Variants in NRXN1 observed in about 807,000 individuals in gnomAD.
NRXN1 encodes neurexin-1.
NRXN1 carries 39 observed loss-of-function variants against 150.9 expected under a neutral mutation model. The ratio of observed to expected loss-of-function variants is 0.26; its 90% CI spans 0.20 to 0.34. The LOEUF is 0.34. NRXN1 is among the 10% of genes least tolerant of loss of function. The pLI, the probability that NRXN1 is intolerant of heterozygous loss-of-function variation, is 1.00. For synonymous variants in NRXN1, 924 were observed against 757.0 expected (o/e 1.22, Z -3.62); for missense variants, 1,815 against 1,949.9 (o/e 0.93, Z 1.30).
chr2:50,842,206 T>C (rs1297068020), intron 5 of NRXN1, among the ~76,000 whole-genome samples: 1 of 152,196 alleles, frequency 6.6e-6, no homozygotes, highest in Non-Finnish European at 1.5e-5. Flanking sequence ...CTTGGCCCTA[T>C]TGTAATTACC....
At chr2:50,777,895 G>C (rs1703858092) in intron 5 of NRXN1, among the ~76,000 whole-genome samples, 2 of 152,090 alleles carry the variant, frequency 1.3e-5, no homozygotes, top group Non-Finnish European at 2.9e-5. Context: ...TTGGATAAAA[G>C]CCTGCATGTA....
At chr2:50,833,554 C>G (rs1333848363) in intron 5 of NRXN1, among the ~76,000 whole-genome samples, 1 of 152,104 alleles carries the variant, frequency 6.6e-6, no homozygotes, top group Non-Finnish European at 1.5e-5. Context: ...TCAAACAGTT[C>G]CACATGTTAT....
intron 5 of NRXN1, among the ~76,000 whole-genome samples, chr2:50,826,391 G>A (rs1670450816): frequency 6.6e-6 from 1 of 152,098 alleles, no homozygotes; most frequent in African/African-American, 2.4e-5. Flanking sequence ...GGAAAGTGAG[G>A]TATGATGCAG....
intron 21 of NRXN1, among the ~76,000 whole-genome samples, chr2:50,015,912 T>C (rs1279692659): frequency 6.6e-6 from 1 of 152,120 alleles, no homozygotes; most frequent in East Asian, 1.9e-4. Context: ...GATAAAAATC[T>C]CCAAGGAGAT....
At chr2:50,731,035 T>C (rs758223943) in intron 5 of NRXN1, among the ~76,000 whole-genome samples, 2 of 152,186 alleles carry the variant, frequency 1.3e-5, no homozygotes, top group African/African-American at 2.4e-5. Flanking sequence ...TCCTTGACTG[T>C]AACTCAGGCA....
chr2:50,325,334 CTGGAAGGGAAGA>C (rs1204160406), intron 17 of NRXN1, among the ~76,000 whole-genome samples: 1 of 152,116 alleles, frequency 6.6e-6, no homozygotes, highest in Non-Finnish European at 1.5e-5. Flanking sequence ...TTGGTGGTCA[CTGGAAGGGAAGA>C]TATGAATAGA....
In NRXN1 at chr2:50,364,085, T is replaced by C. The variant is rs1471288201; in HGVS notation, c.3364+101357A>G. 1.1e-4 allele frequency among the ~76,000 whole-genome samples: 17 copies of C among 152,098 alleles called. No homozygotes were observed. The South Asian group carries it at 3.5e-3, about 32-fold the overall frequency. On this transcript the variant is annotated intron_variant, in intron 17 of 22. Transcript: ENST00000401669. ...GAGGGGAACATCACCCACTGGGGCC[T>C]GTTGGGGGTTGGGGAGCAAGGGGAG...
chr2:50,131,506 C>T (rs1372624393), intron 18 of NRXN1, among the ~76,000 whole-genome samples: 1 of 152,176 alleles, frequency 6.6e-6, no homozygotes, highest in Non-Finnish European at 1.5e-5. Context: ...TTCCAGAGGA[C>T]ATGGACCTTG....
intron 5 of NRXN1, among the ~76,000 whole-genome samples, chr2:50,921,115 G>C (rs1456276296): frequency 6.6e-6 from 1 of 151,734 alleles, no homozygotes; most frequent in Non-Finnish European, 1.5e-5. Context: ...AAAAATGGTT[G>C]ATTTAAAGAC....
intron 21 of NRXN1, among the ~76,000 whole-genome samples, chr2:49,955,276 C>T (rs144113970): frequency 9.9e-5 from 15 of 152,108 alleles, no homozygotes; most frequent in African/African-American, 3.4e-4. Flanking sequence ...AGGAATACAC[C>T]TAAGAGTGGG....
At chr2:50,669,884 C>G (rs982543913) in intron 5 of NRXN1, among the ~76,000 whole-genome samples, 1 of 149,218 alleles carries the variant, frequency 6.7e-6, no homozygotes, top group East Asian at 2.0e-4. Context: ...ACAAAAAAAA[C>G]GGAATTAATC....
intron 17 of NRXN1, among the ~76,000 whole-genome samples, chr2:50,434,554 G>A (rs1393288734): frequency 6.6e-6 from 1 of 152,144 alleles, no homozygotes; most frequent in African/African-American, 2.4e-5. Flanking sequence ...AATGAGAAAT[G>A]GCAGTTTCCT....
At chr2:50,355,123 T>C (rs922735157) in intron 17 of NRXN1, among the ~76,000 whole-genome samples, 1 of 152,026 alleles carries the variant, frequency 6.6e-6, no homozygotes, top group South Asian at 2.1e-4. Flanking sequence ...ATATATGTTG[T>C]AGAGCATATA....
intron 9 of NRXN1, among the ~76,000 whole-genome samples, chr2:50,539,057 A>G (rs2093332904): frequency 6.6e-6 from 1 of 152,214 alleles, no homozygotes; most frequent in South Asian, 2.1e-4. Context: ...TCATGTTCCT[A>G]TTTTAACTGA....
intron 21 of NRXN1, among the ~76,000 whole-genome samples, chr2:49,968,634 G>A (rs940454486): frequency 5.9e-5 from 9 of 151,912 alleles, no homozygotes; most frequent in East Asian, 1.9e-4. Context: ...CTTTTATTTC[G>A]TGACTGGATA....
chr2:50,474,040 T>TC (rs138111121), intron 15 of NRXN1, among the ~76,000 whole-genome samples: 10,080 of 151,874 alleles, frequency 0.066, 1,156 homozygotes, highest in African/African-American at 0.23. Context: ...TGTATTTACT[T>TC]CCCCCCTTTT....
At chr2:50,320,778 T>C (rs2075982153) in intron 17 of NRXN1, among the ~76,000 whole-genome samples, 1 of 152,148 alleles carries the variant, frequency 6.6e-6, no homozygotes, top group Non-Finnish European at 1.5e-5. Context: ...GCTGCTCTGA[T>C]GAGAATATGA....
At chr2:50,503,464 G>A (rs934861353) in intron 13 of NRXN1, among the ~76,000 whole-genome samples, 4 of 150,608 alleles carry the variant, frequency 2.7e-5, no homozygotes, top group African/African-American at 2.4e-5. Flanking sequence ...ATAAGATAGC[G>A]TAATTATGAA....
At chr2:50,573,611 A>G (rs1053904804) in intron 8 of NRXN1, among the ~76,000 whole-genome samples, 1 of 152,120 alleles carries the variant, frequency 6.6e-6, no homozygotes, top group Non-Finnish European at 1.5e-5. Flanking sequence ...AGTTAAGGTA[A>G]GAAATGAAAC....
Sources: gnomAD v4.1 joint callset for allele counts (sites outside exome capture counted in the v4.1 genomes callset) on GRCh38, gnomAD v4.1.1 for gene constraint, MANE v1.5 for transcripts, NCBI Gene and HGNC (gene_info 2026-07-23, HGNC 2026-07-21) for gene names.